ADGRL3: variants seen among roughly 807,000 people sequenced by gnomAD.
ADGRL3 encodes the protein calcium-independent alpha-latrotoxin receptor 3.
In ADGRL3, 62 loss-of-function variants were observed where a neutral mutation model predicts 153.5. The observed-to-expected ratio is 0.40, with a 90% CI of 0.33 to 0.50. ADGRL3 has a LOEUF of 0.50. Among genes scored for constraint, ADGRL3 ranks in the 20% least tolerant of loss-of-function variants. The pLI is 0.47. For synonymous variants in ADGRL3, 710 were observed against 672.5 expected, an observed-to-expected ratio of 1.06 and a Z score of -0.86; for missense variants, 1,641 against 1,859.4, an observed-to-expected ratio of 0.88 and a Z score of 2.16.
intron 2 of ADGRL3, among the ~76,000 whole-genome samples, chr4:61,463,089 C>T (rs901923463): frequency 6.6e-6 from 1 of 152,088 alleles, no homozygotes; most frequent in African/African-American, 2.4e-5. Context: ...TCTTAATTTT[C>T]CTAGTTTCTA....
intron 25 of ADGRL3, among the ~76,000 whole-genome samples, chr4:62,063,145 TTGTTTTG>T (rs1170939537): frequency 3.9e-5 from 6 of 152,096 alleles, no homozygotes; most frequent in East Asian, 1.9e-4. Context: ...TTTTTGGCTT[TTGTTTTG>T]TGTTTTGTGT....
intron 4 of ADGRL3, among the ~76,000 whole-genome samples, chr4:61,573,209 A>G (rs887668292): frequency 6.6e-6 from 1 of 151,976 alleles, no homozygotes; most frequent in Non-Finnish European, 1.5e-5. Context: ...TATGTCGCTT[A>G]TATTGGCCCT....
At chr4:61,461,615 T>A (rs2097820243) in intron 2 of ADGRL3, among the ~76,000 whole-genome samples, 1 of 152,228 alleles carries the variant, frequency 6.6e-6, no homozygotes, top group Non-Finnish European at 1.5e-5. Context: ...GTGTATTTAC[T>A]AACAAAATGT....
chr4:61,299,721 C>T (rs934523491), intron 1 of ADGRL3, among the ~76,000 whole-genome samples: 10 of 152,184 alleles, frequency 6.6e-5, no homozygotes, highest in South Asian at 6.2e-4. Context: ...TACGTGAGGG[C>T]TATTGGTAAG....
chr4:61,352,023 C>G (rs6850457), intron 1 of ADGRL3, among the ~76,000 whole-genome samples: 1 of 152,088 alleles, frequency 6.6e-6, no homozygotes, highest in Non-Finnish European at 1.5e-5. Context: ...TGAAAACCTT[C>G]TAGAAAGGAT....
intron 9 of ADGRL3, among the ~76,000 whole-genome samples, chr4:61,817,900 T>G (rs2097706230): frequency 6.6e-6 from 1 of 151,962 alleles, no homozygotes; most frequent in Non-Finnish European, 1.5e-5. Context: ...TCCCACTGGG[T>G]CCCTCCCACA....
intron 2 of ADGRL3, among the ~76,000 whole-genome samples, chr4:61,483,685 C>T (rs777607884): frequency 3.3e-5 from 5 of 151,712 alleles, no homozygotes; most frequent in Admixed American, 6.6e-5. Flanking sequence ...TGCTATGAGC[C>T]GAGATCATGC....
chr4:61,445,192 C>T (rs1438099837), intron 2 of ADGRL3, among the ~76,000 whole-genome samples: 1 of 152,084 alleles, frequency 6.6e-6, no homozygotes, highest in Non-Finnish European at 1.5e-5. Flanking sequence ...TTCTTATCTT[C>T]ATTTACGAAT....
intron 1 of ADGRL3, among the ~76,000 whole-genome samples, chr4:61,243,434 C>T (rs900664574): frequency 1.3e-5 from 2 of 151,926 alleles, no homozygotes; most frequent in African/African-American, 4.8e-5. Flanking sequence ...CACATGAGGT[C>T]CCACCCAATC....
At chr4:61,294,167 C>T (rs376330059) in intron 1 of ADGRL3, among the ~76,000 whole-genome samples, 26 of 152,086 alleles carry the variant, frequency 1.7e-4, no homozygotes, top group East Asian at 9.6e-4. Flanking sequence ...TTTTGTTGGG[C>T]GGCAAGCTGC....
At chr4:61,841,704 A>G (rs2148999654) in intron 9 of ADGRL3, among the ~76,000 whole-genome samples, 1 of 152,350 alleles carries the variant, frequency 6.6e-6, no homozygotes, top group East Asian at 1.9e-4. Context: ...AAAGTAAAAT[A>G]AATTACTTAT....
At chr4:61,452,114 G>A (rs549703178) in intron 2 of ADGRL3, among the ~76,000 whole-genome samples, 2 of 152,086 alleles carry the variant, frequency 1.3e-5, no homozygotes, top group African/African-American at 4.8e-5. Flanking sequence ...GAATAACTCT[G>A]CATGAATGTC....
intron 17 of ADGRL3, 47 bp downstream of exon 17, chr4:61,948,323 T>G: frequency 2.1e-6 from 3 of 1,429,042 alleles, no homozygotes; most frequent in Non-Finnish European, 2.9e-6. Flanking sequence ...TATTATATGG[T>G]CACTAACTGT....
At chr4:61,966,571 G>C (rs2150570938) in intron 17 of ADGRL3, among the ~76,000 whole-genome samples, 1 of 131,792 alleles carries the variant, frequency 7.6e-6, no homozygotes, top group South Asian at 2.7e-4. Flanking sequence ...ACTTTCAAAA[G>C]GGGTGTGTGT....
intron 5 of ADGRL3, among the ~76,000 whole-genome samples, chr4:61,625,389 T>C (rs1386553875): frequency 1.3e-5 from 2 of 152,078 alleles, no homozygotes; most frequent in African/African-American, 4.8e-5. Flanking sequence ...TTTAATGCTA[T>C]TTTTTACTTG....
At chr4:61,525,746 C>T (rs1214925801) in intron 4 of ADGRL3, among the ~76,000 whole-genome samples, 1 of 151,688 alleles carries the variant, frequency 6.6e-6, no homozygotes, top group Admixed American at 6.6e-5. Context: ...GAGGTGAGGT[C>T]GAGGGAAGAA....
At chr4:61,913,646 C>T (rs1265123033) in intron 13 of ADGRL3, among the ~76,000 whole-genome samples, 2 of 152,040 alleles carry the variant, frequency 1.3e-5, no homozygotes, top group South Asian at 2.1e-4. Context: ...TTAACCAAAA[C>T]TCTTAAGTTA....
intron 21 of ADGRL3, 55 bp from the exon 22 acceptor site, chr4:62,028,800 T>A (rs2151476344): frequency 6.8e-7 from 1 of 1,463,120 alleles, no homozygotes; most frequent in South Asian, 1.2e-5. Context: ...ATGAAATTCT[T>A]TGTCATAAAA....
intron 2 of ADGRL3, among the ~76,000 whole-genome samples, chr4:61,455,071 G>T (rs576569873): frequency 6.6e-6 from 1 of 152,106 alleles, no homozygotes; most frequent in African/African-American, 2.4e-5. Context: ...CTCGAACTAA[G>T]TTCTTAGTTG....
Sources: gnomAD v4.1 joint callset for allele counts (sites outside exome capture counted in the v4.1 genomes callset) on GRCh38, gnomAD v4.1.1 for gene constraint, MANE v1.5 for transcripts, NCBI Gene and HGNC (gene_info 2026-07-23, HGNC 2026-07-21) for gene names.